PDGFRA: variants seen among roughly 807,000 people sequenced by gnomAD.
The protein encoded by PDGFRA is platelet-derived growth factor receptor alpha.
A neutral mutation model predicts 121.5 loss-of-function variants in PDGFRA; 25 were observed. The observed-to-expected ratio is 0.21, with a 90% CI of 0.15 to 0.29. PDGFRA has a LOEUF of 0.29. Among genes scored for constraint, PDGFRA ranks in the 10% least tolerant of loss-of-function variants. The pLI is 1.00. For missense variants in PDGFRA, 1,008 were observed against 1,345.1 expected (o/e 0.75, Z 3.92); for synonymous variants, 463 against 494.8 (o/e 0.94, Z 0.85).
intron 8 of PDGFRA, among the ~76,000 whole-genome samples, chr4:54,271,079 A>G (rs1384373439): frequency 6.6e-6 from 1 of 152,186 alleles, no homozygotes; most frequent in Non-Finnish European, 1.5e-5. Flanking sequence ...CTGGGATTAC[A>G]GGTGTGAGCC....
At chr4:54,272,326 C>G in intron 8 of PDGFRA, 68 bp from the exon 9 acceptor site, 1 of 1,567,714 alleles carries the variant, frequency 6.4e-7, no homozygotes, top group Non-Finnish European at 8.8e-7. Flanking sequence ...AACTCATATT[C>G]CACTTTGTAG....
chr4:54,289,745 G>A (rs1724531935), intron 21 of PDGFRA, among the ~76,000 whole-genome samples: 1 of 152,156 alleles, frequency 6.6e-6, no homozygotes, highest in Non-Finnish European at 1.5e-5. Context: ...CGAACTGGAA[G>A]TTAAATGCTT....
At chr4:54,280,535 T>C (rs943114132) in intron 16 of PDGFRA, 53 bp downstream of exon 16, 32 of 1,433,652 alleles carry the variant, frequency 2.2e-5, no homozygotes, top group Non-Finnish European at 2.9e-5. Context: ...TGGTTTAATA[T>C]GATACTTAAA....
intron 9 of PDGFRA, 138 bp downstream of exon 9, chr4:54,272,658 C>T: frequency 1.1e-6 from 1 of 906,292 alleles, no homozygotes; most frequent in South Asian, 1.4e-5. Flanking sequence ...TATCTTTTGT[C>T]ATGAATAGCT....
rs537622388 is a variant in PDGFRA, at chr4:54,266,416, T to C, written c.760-873T>C. The stretch of plus-strand genomic sequence containing the variant: ...TTCTTTTTTTTTTCTTTTTTCTTTT[T>C]TTTTTTTGTTGTGGAGATGAGGATC... On this transcript the variant is annotated intron_variant, in intron 5 of 22. Transcript: ENST00000257290. Among the ~76,000 whole-genome samples, 6 of 150,642 alleles carry C rather than the reference T, an allele frequency of 4.0e-5. No homozygotes were observed. In the South Asian group the frequency reaches 8.4e-4, roughly 21 times the overall value.
intron 3 of PDGFRA, among the ~76,000 whole-genome samples, chr4:54,261,931 ATTTT>A (rs34880395): frequency 0.041 from 2,392 of 58,048 alleles, 35 homozygotes; most frequent in African/African-American, 0.076. Context: ...ATATATATAT[ATTTT>A]TTTTTTTTTT....
In PDGFRA at chr4:54,296,367, G is replaced by GTTTTTTTTTTTT. The variant is rs34529347; in HGVS notation, c.*1100_*1111dup. ...CAGCAAAAAGACTGGATTTGCAGAA[G>GTTTTTTTTTTTT]TTTTTTTTTTTTTTTTCTTCATGCC... On this transcript the variant is annotated 3_prime_UTR_variant, in exon 23 of 23. Transcript: ENST00000257290. The GTTTTTTTTTTTT allele has an allele frequency of 4.9e-6, 1 of 204,282 alleles. No individual in the cohort carries two copies. The highest frequency in any genetic ancestry group is 9.7e-6 in the Non-Finnish European group (1 of 103,048). The allele number at this position is 204,282 out of a possible 1,614,324, so 12.7% of individuals were successfully genotyped here.
chr4:54,260,407 T>TGG (rs1560465909), intron 2 of PDGFRA, among the ~76,000 whole-genome samples: 1 of 90,170 alleles, frequency 1.1e-5, no homozygotes, highest in Non-Finnish European at 2.2e-5. Context: ...GTTTTTTTTT[T>TGG]TTTTTTTTTT....
At chr4:54,252,206 T>G (rs1722089494) in intron 1 of PDGFRA, among the ~76,000 whole-genome samples, 1 of 152,202 alleles carries the variant, frequency 6.6e-6, no homozygotes, top group South Asian at 2.1e-4. Flanking sequence ...TGTATTAGAA[T>G]TGGCTAGTGA....
At chr4:54,243,324 G>A (rs1013377528) in intron 1 of PDGFRA, among the ~76,000 whole-genome samples, 41 of 152,318 alleles carry the variant, frequency 2.7e-4, no homozygotes, top group African/African-American at 8.9e-4. Flanking sequence ...TAACATTATA[G>A]CATATGTAAT....
At chr4:54,237,211 C>T (rs1721066718) in intron 1 of PDGFRA, among the ~76,000 whole-genome samples, 2 of 152,190 alleles carry the variant, frequency 1.3e-5, no homozygotes, top group East Asian at 3.9e-4. Flanking sequence ...CTCAAGTGAT[C>T]TGCCCACCTC....
At position 54,295,249 on chromosome 4, in the gene PDGFRA, C is replaced by A. The variant is rs1246505091; in HGVS notation, c.3247C>A (p.Leu1083Met). 1.2e-6 allele frequency: 2 copies of A among 1,613,950 alleles called. No individual in the cohort carries two copies. Among genetic ancestry groups the A allele is most frequent in the Non-Finnish European group, 1.7e-6 (2 of 1,179,954 alleles). Reference sequence around the variant, plus strand: ...TGACATCGGCATAGACTCTTCAGACCTGGTGGAAGACAGCTTCCTGTAACT... The same window carrying A: ...TGACATCGGCATAGACTCTTCAGACATGGTGGAAGACAGCTTCCTGTAACT... ...MDDIGIDSSDLVEDSFL is the reference protein window; with the variant it reads ...MDDIGIDSSDMVEDSFL Residue 1083 changes from leucine (L) to methionine (M), a missense_variant, in exon 23 of 23, where the codon CTG becomes ATG. By Grantham distance (15) the Leu-to-Met change is conservative. Around this residue, in one of 5 missense-constraint regions of PDGFRA, gnomAD observed 204 missense variants for 243.0 expected, o/e 0.84. Transcript: ENST00000257290.
At position 54,287,502 on chromosome 4, in the gene PDGFRA, TG is replaced by T; in HGVS notation, c.2637del (p.Trp879CysfsTer21). The T allele has an allele frequency of 6.5e-7, 1 of 1,542,808 alleles. No individual in the cohort carries two copies. The highest frequency in any genetic ancestry group is 9.0e-7 in the Non-Finnish European group (1 of 1,115,010). ...DNLYTTLSDV[W>X]SYGILLWEIF... ...CCTCTACACCACACTGAGTGATGTCTGGTCTTATGGCATTCTGCTCTGGGAG... is the reference window on the plus strand; with the variant it reads ...CCTCTACACCACACTGAGTGATGTCTGTCTTATGGCATTCTGCTCTGGGAG... On this transcript the variant is annotated frameshift_variant, in exon 19 of 23. Transcript: ENST00000257290. LOFTEE classifies it high-confidence loss of function.
At position 54,280,429 on chromosome 4, in the gene PDGFRA, T is replaced by C; in HGVS notation, c.2270T>C (p.Ile757Thr). The change falls in exon 16 of 23, where the codon ATC (isoleucine) becomes ACC (threonine). Residue 757 changes from isoleucine to threonine, a missense_variant. By Grantham distance (89) the Ile-to-Thr change is moderately conservative (BLOSUM62 -1). Around this residue, in one of 5 missense-constraint regions of PDGFRA, gnomAD observed 128 missense variants for 147.6 expected, o/e 0.87. Transcript: ENST00000257290. ...AAAGAGGTTTCTAAATATTCCGACA[T>C]CCAGAGATCACTCTATGATCGTCCA... ...ERKEVSKYSD[I>T]QRSLYDRPAS... 2 of 1,613,828 alleles carry C rather than the reference T, an allele frequency of 1.2e-6. No individual in the cohort carries two copies. Among genetic ancestry groups the C allele is most frequent in the East Asian group, 4.5e-5 (2 of 44,868 alleles).
chr4:54,277,824 T>G lies in PDGFRA; in HGVS notation c.1892-72T>G, dbSNP rs191452729. 1.1e-4 allele frequency: 107 copies of G among 951,744 alleles called. 2 individuals are homozygous for G. The African/African-American group carries it at 1.4e-3, about 12-fold the overall frequency. The allele number at this position is 951,744 out of a possible 1,614,324, so 59.0% of individuals were successfully genotyped here. A position where few individuals can be genotyped will look rare whatever the true frequency, so the allele number is the denominator to read the frequency against. On this transcript the variant is annotated intron_variant, in intron 13 of 22. Coordinates refer to ENST00000257290, the MANE Select transcript of PDGFRA (RefSeq NM_006206.6). ...ATATCCAATCACAGGATTAGTCATA[T>G]TCTTGGTTTTTTTCTGAGAACAGGA...
chr4:54,242,838 C>A lies in PDGFRA; in HGVS notation c.-13+13423C>A, dbSNP rs909232744. On this transcript the variant is annotated intron_variant, in intron 1 of 22. Coordinates refer to ENST00000257290, the MANE Select transcript of PDGFRA (RefSeq NM_006206.6). ...AGAAACCTCTGTTTTCCTCATGGAA[C>A]CCCAAGAGCTGTAAGCAGAGAGTTC... 4.6e-5 allele frequency among the ~76,000 whole-genome samples: 7 copies of A among 152,152 alleles called. No individual in the cohort carries two copies. In the South Asian group the frequency reaches 1.2e-3, roughly 27 times the overall value.
intron 1 of PDGFRA, among the ~76,000 whole-genome samples, chr4:54,243,109 G>C (rs1350302388): frequency 6.6e-6 from 1 of 152,128 alleles, no homozygotes; most frequent in Non-Finnish European, 1.5e-5. Flanking sequence ...ACCTATGAAT[G>C]GAGGATGGGC....
At chr4:54,270,943 T>C (rs980960482) in intron 8 of PDGFRA, among the ~76,000 whole-genome samples, 195 bp downstream of exon 8, 4 of 152,180 alleles carry the variant, frequency 2.6e-5, no homozygotes, top group African/African-American at 9.6e-5. Flanking sequence ...TGGGTTACTC[T>C]AGAGTAGGCG....
In PDGFRA at chr4:54,288,803, C is replaced by A. The variant is rs148970242; in HGVS notation, c.2679C>A (p.Gly893=). 6.2e-7 allele frequency: 1 copy of A among 1,603,530 alleles called. No homozygotes were observed. Among genetic ancestry groups the A allele is most frequent in the Non-Finnish European group, 8.5e-7 (1 of 1,170,284 alleles). Residue 893 remains glycine, a synonymous_variant, in exon 20 of 23, where the codon GGC becomes GGA. Coordinates refer to ENST00000257290, the MANE Select transcript of PDGFRA (RefSeq NM_006206.6). ...ILLWEIFSLG[G]TPYPGMMVDS... The stretch of plus-strand genomic sequence containing the variant: ...GTTTTATTGTTTGGCTTTTAGGTGG[C>A]ACCCCTTACCCCGGCATGATGGTGG...
Sources: allele counts gnomAD v4.1 joint callset (sites outside exome capture counted in the v4.1 genomes callset), GRCh38; gene constraint gnomAD v4.1.1; regional missense constraint gnomAD v4.1.1; transcripts MANE v1.5; gene names NCBI Gene and HGNC (gene_info 2026-07-23, HGNC 2026-07-21).